The following PRR18 variants were observed in gnomAD, a reference collection of about 807,000 sequenced individuals.
The protein encoded by PRR18 is proline rich 18.
For missense variants in PRR18, 517 were observed against 437.4 expected, an observed-to-expected ratio of 1.18 and a Z score of -1.62; for synonymous variants, 228 against 220.2, an observed-to-expected ratio of 1.04 and a Z score of -0.32.
chr6:166,307,383 C>G lies in PRR18; in HGVS notation c.760G>C (p.Glu254Gln). 1 of 1,578,276 alleles carries G rather than the reference C, an allele frequency of 6.3e-7. No individual in the cohort carries two copies. Among genetic ancestry groups the G allele is most frequent in the Non-Finnish European group, 8.5e-7 (1 of 1,170,244 alleles). Residue 254 changes from glutamate to glutamine, a missense_variant, in exon 1 of 1, where the codon GAG becomes CAG. Transcript: ENST00000322583. ...AGGCCCTCGTCCACCGCCTCTGGCT[C>G]CTCCTCGTACTCCACGTCGTCGTAC... is the stretch of plus-strand genomic sequence containing the variant. ...HRYDDVEYEEEPEAVDEGLVR... is the reference protein window; with the variant it reads ...HRYDDVEYEEQPEAVDEGLVR...
Position 166,308,362 on chromosome 6 carries a change from C to A in PRR18, c.-220G>T. 2.5e-6 allele frequency: 1 copy of A among 403,922 alleles called. No homozygotes were observed. Among genetic ancestry groups the A allele is most frequent in the African/African-American group, 2.1e-5 (1 of 48,248 alleles). The allele number at this position is 403,922 out of a possible 1,614,324, so 25.0% of individuals were successfully genotyped here. On this transcript the variant is annotated 5_prime_UTR_variant, in exon 1 of 1. Transcript: ENST00000322583. ...TCCTGGGGGTGCTCCCGGGACTGGA[C>A]CCTGCAGGAACCGCCTCCCGCCGTC... is the stretch of plus-strand genomic sequence containing the variant.
Position 166,308,191 on chromosome 6 carries a change from G to T in PRR18, c.-49C>A, listed in dbSNP as rs1778142722. On this transcript the variant is annotated 5_prime_UTR_variant, in exon 1 of 1. Transcript: ENST00000322583. ...TCAGCCCCTGGAAAGAGAGGCGGGCGCTCAGCCACTGTGCGCGGAGCGGGT... is the reference window on the plus strand; with the variant it reads ...TCAGCCCCTGGAAAGAGAGGCGGGCTCTCAGCCACTGTGCGCGGAGCGGGT... 3.3e-6 allele frequency: 4 copies of T among 1,227,042 alleles called. No homozygotes were observed. Among genetic ancestry groups the T allele is most frequent in the Non-Finnish European group, 4.1e-6 (4 of 983,434 alleles). 76.0% of individuals were successfully genotyped at this position (1,227,042 alleles called of 1,614,324 possible). A position where few individuals can be genotyped will look rare whatever the true frequency, so the allele number is the denominator to read the frequency against.
At position 166,307,332 on chromosome 6, in the gene PRR18, G is replaced by A; in HGVS notation, c.811C>T (p.Arg271Cys). 6.4e-7 allele frequency: 1 copy of A among 1,566,336 alleles called. No individual in the cohort carries two copies. The highest frequency in any genetic ancestry group is 8.6e-7 in the Non-Finnish European group (1 of 1,165,158). ...GLVRKCTEWL[R>C]GVESAAAARG... is the part of the protein sequence containing the mutation. ...GCGGCAGCCGCGGACTCCACGCCGC[G>A]CAGCCACTCCGTGCACTTGCGTACC... is the stretch of plus-strand genomic sequence containing the variant. The change falls in exon 1 of 1, where the codon CGC (arginine) becomes TGC (cysteine). Residue 271 changes from arginine to cysteine, a missense_variant. By Grantham distance (180) the Arg-to-Cys change is radical (BLOSUM62 -3). Transcript: ENST00000322583.
Position 166,307,842 on chromosome 6 carries a change from T to C in PRR18, c.301A>G (p.Ser101Gly), listed in dbSNP as rs753042680. The C allele has an allele frequency of 5.7e-4, 741 of 1,301,192 alleles. 2 individuals are homozygous for C. The highest frequency in any genetic ancestry group is 7.0e-4 in the Non-Finnish European group (716 of 1,022,160). 80.6% of individuals were successfully genotyped at this position (1,301,192 alleles called of 1,614,324 possible). A position where few individuals can be genotyped will look rare whatever the true frequency, so the allele number is the denominator to read the frequency against. Residue 101 changes from serine (S) to glycine (G), a missense_variant, in exon 1 of 1, where the codon AGC becomes GGC. By Grantham distance (56) the Ser-to-Gly change is moderately conservative. Transcript: ENST00000322583. Reference sequence around the variant, plus strand: ...GCCGCATAGGTGGTCCTCGCTGGGCTGTGGCCGGAGCCTGCCGGCCGGGGC... The same window carrying C: ...GCCGCATAGGTGGTCCTCGCTGGGCCGTGGCCGGAGCCTGCCGGCCGGGGC... ...APPRPAGSGH[S>G]PARTTYAATS...
At position 166,307,401 on chromosome 6, in the gene PRR18, C is replaced by T. The variant is rs1263838844; in HGVS notation, c.742G>A (p.Asp248Asn). Residue 248 changes from aspartate to asparagine, a missense_variant, in exon 1 of 1, where the codon GAC (aspartate) becomes AAC (asparagine). Asp to Asn is a conservative substitution (Grantham distance 23, BLOSUM62 1). Transcript: ENST00000322583. ...TCTGGCTCCTCCTCGTACTCCACGTCGTCGTACCTGTGCCGCTCGTTGAGC... is the reference window on the plus strand; with the variant it reads ...TCTGGCTCCTCCTCGTACTCCACGTTGTCGTACCTGTGCCGCTCGTTGAGC... Reference protein sequence around the residue: ...SLLNERHRYDDVEYEEEPEAV... With the variant: ...SLLNERHRYDNVEYEEEPEAV... The T allele has an allele frequency of 2.5e-6, 4 of 1,575,378 alleles. No individual in the cohort carries two copies. The highest frequency in any genetic ancestry group is 3.4e-6 in the Non-Finnish European group (4 of 1,168,858).
chr6:166,308,192 C>G lies in PRR18; in HGVS notation c.-50G>C, dbSNP rs910793151. On this transcript the variant is annotated 5_prime_UTR_variant, in exon 1 of 1. Transcript: ENST00000322583. ...CAGCCCCTGGAAAGAGAGGCGGGCG[C>G]TCAGCCACTGTGCGCGGAGCGGGTC... is the stretch of plus-strand genomic sequence containing the variant. The G allele has an allele frequency of 1.3e-5, 16 of 1,227,224 alleles. No individual in the cohort carries two copies. The highest frequency in any genetic ancestry group is 1.5e-5 in the Non-Finnish European group (15 of 983,548). 76.0% of individuals were successfully genotyped at this position (1,227,224 alleles called of 1,614,324 possible).
In PRR18 at chr6:166,307,445, G is replaced by C. The variant is rs534030399; in HGVS notation, c.698C>G (p.Pro233Arg). Residue 233 changes from proline (P) to arginine (R), a missense_variant, in exon 1 of 1, where the codon CCG becomes CGG. Transcript: ENST00000322583. ...GTTGAGCAGCGACACCTTGAGCATC[G>C]GCCGCAGGGCCCCGGGCCGCGGGCT... The part of the protein sequence containing the change: ...QLSPRPGALR[P>R]MLKVSLLNER... 6.5e-7 allele frequency: 1 copy of C among 1,542,594 alleles called. No individual in the cohort carries two copies. The highest frequency in any genetic ancestry group is 2.7e-5 in the East Asian group (1 of 37,722).
chr6:166,306,921 T>C lies in PRR18; in HGVS notation c.*334A>G, dbSNP rs888146575. ...CTGGGGGTCGGGGCACCAAGAGGCA[T>C]TTTCTCAGTTGCTTAATTCCCCACG... is the stretch of plus-strand genomic sequence containing the variant. On this transcript the variant is annotated 3_prime_UTR_variant, in exon 1 of 1. Transcript: ENST00000322583. 18 of 271,662 alleles carry C rather than the reference T, an allele frequency of 6.6e-5. No homozygotes were observed. The highest frequency in any genetic ancestry group is 1.1e-4 in the Non-Finnish European group (16 of 145,020). 16.8% of individuals were successfully genotyped at this position (271,662 alleles called of 1,614,324 possible). A position where few individuals can be genotyped will look rare whatever the true frequency, so the allele number is the denominator to read the frequency against.
chr6:166,308,095 G>T lies in PRR18; in HGVS notation c.48C>A (p.Ala16=). Residue 16 remains alanine (A), a synonymous_variant, in exon 1 of 1, where the codon GCC becomes GCA. Coordinates refer to ENST00000322583, the MANE Select transcript of PRR18 (RefSeq NM_175922.4). The part of the protein sequence containing the change: ...MPPPPAPAPG[A]QAARQLPRRP... ...TCCGGGGTAACTGGCGCGCGGCTTG[G>T]GCCCCCGGGGCGGGGGCGGGCGGCG... 8.1e-7 allele frequency: 1 copy of T among 1,233,748 alleles called. No homozygotes were observed. 76.4% of individuals were successfully genotyped at this position (1,233,748 alleles called of 1,614,324 possible). A position where few individuals can be genotyped will look rare whatever the true frequency, so the allele number is the denominator to read the frequency against.
At position 166,308,228 on chromosome 6, in the gene PRR18, G is replaced by A. The variant is rs186577225; in HGVS notation, c.-86C>T. ...TGCGCGGAGCGGGTCCCCGCAGTCCGGGCGGCCCCTCCACACCCACCTGCG... is the reference window on the plus strand; with the variant it reads ...TGCGCGGAGCGGGTCCCCGCAGTCCAGGCGGCCCCTCCACACCCACCTGCG... On this transcript the variant is annotated 5_prime_UTR_variant, in exon 1 of 1. Transcript: ENST00000322583. 485 of 1,199,424 alleles carry A rather than the reference G, an allele frequency of 4.0e-4. 3 individuals are homozygous for A. The African/African-American group carries it at 7.0e-3, about 17-fold the overall frequency. 74.3% of individuals were successfully genotyped at this position (1,199,424 alleles called of 1,614,324 possible).
rs1778114064 is a variant in PRR18 at position 166,307,369 on chromosome 6, C to CTGGT, written c.773_774insACCA (p.Asp259ProfsTer149). On this transcript the variant is annotated frameshift_variant, in exon 1 of 1. Coordinates refer to ENST00000322583, the MANE Select transcript of PRR18 (RefSeq NM_175922.4). LOFTEE classifies it low-confidence loss of function (END_TRUNC). Reference sequence around the variant, plus strand: ...TGCACTTGCGTACCAGGCCCTCGTCCACCGCCTCTGGCTCCTCCTCGTACT... The same window carrying CTGGT: ...TGCACTTGCGTACCAGGCCCTCGTCCTGGTACCGCCTCTGGCTCCTCCTCGTACT... The CTGGT allele has an allele frequency of 6.3e-7, 1 of 1,579,602 alleles. No homozygotes were observed. Among genetic ancestry groups the CTGGT allele is most frequent in the African/African-American group, 1.4e-5 (1 of 72,094 alleles).
In PRR18 at chr6:166,305,955, T is replaced by A. The variant is rs1778089552; in HGVS notation, c.*1300A>T. 1 of 151,964 alleles carries A rather than the reference T, an allele frequency of 6.6e-6. No individual in the cohort carries two copies. The highest frequency in any genetic ancestry group is 1.5e-5 in the Non-Finnish European group (1 of 67,998). The allele number at this position is 151,964 out of a possible 1,614,324, so 9.4% of individuals were successfully genotyped here. A position where few individuals can be genotyped will look rare whatever the true frequency, so the allele number is the denominator to read the frequency against. ...CACTCAGAGACCATCTGGGTGGGGG[T>A]GGAACAAGAGCAGCACCGTCACTTG... On this transcript the variant is annotated 3_prime_UTR_variant, in exon 1 of 1. Coordinates refer to ENST00000322583, the MANE Select transcript of PRR18 (RefSeq NM_175922.4).
At position 166,308,233 on chromosome 6, in the gene PRR18, G is replaced by T. The variant is rs1343487560; in HGVS notation, c.-91C>A. The T allele has an allele frequency of 3.4e-6, 4 of 1,172,428 alleles. No individual in the cohort carries two copies. In the East Asian group the frequency reaches 9.7e-5, roughly 28 times the overall value. 72.6% of individuals were successfully genotyped at this position (1,172,428 alleles called of 1,614,324 possible). A position where few individuals can be genotyped will look rare whatever the true frequency, so the allele number is the denominator to read the frequency against. Reference sequence around the variant, plus strand: ...GGAGCGGGTCCCCGCAGTCCGGGCGGCCCCTCCACACCCACCTGCGTCCAG... The same window carrying T: ...GGAGCGGGTCCCCGCAGTCCGGGCGTCCCCTCCACACCCACCTGCGTCCAG... On this transcript the variant is annotated 5_prime_UTR_variant, in exon 1 of 1. Transcript: ENST00000322583.
chr6:166,305,423 GTTT>G lies in PRR18; in HGVS notation c.*1829_*1831del, dbSNP rs2114865377. 6.6e-6 allele frequency: 1 copy of G among 152,240 alleles called. No individual in the cohort carries two copies. Among genetic ancestry groups the G allele is most frequent in the African/African-American group, 2.4e-5 (1 of 41,550 alleles). The allele number at this position is 152,240 out of a possible 1,614,324, so 9.4% of individuals were successfully genotyped here. ...GTGTCACGTGTAAAACCTTTTTTCT[GTTT>G]GTTTTTTATTGAAGCTCATTGACCA... On this transcript the variant is annotated 3_prime_UTR_variant, in exon 1 of 1. Coordinates refer to ENST00000322583, the MANE Select transcript of PRR18 (RefSeq NM_175922.4).
chr6:166,307,579 C>T lies in PRR18; in HGVS notation c.564G>A (p.Arg188=), dbSNP rs761967501. ...CGTCGGGGTCGCTGGCGGGGCCGCC[C>T]CTCCGCGGGCCCGCGGCCCTAGCCG... is the stretch of plus-strand genomic sequence containing the variant. ...CLPARAAGPR[R]GGPASDPDAP... The change falls in exon 1 of 1, where the codon AGG becomes AGA. Residue 188 remains arginine (R), a synonymous_variant. Transcript: ENST00000322583. 4.9e-6 allele frequency: 6 copies of T among 1,220,686 alleles called. No individual in the cohort carries two copies. In the South Asian group the frequency reaches 1.5e-4, roughly 31 times the overall value. 75.6% of individuals were successfully genotyped at this position (1,220,686 alleles called of 1,614,324 possible).
chr6:166,307,977 G>T lies in PRR18; in HGVS notation c.166C>A (p.Pro56Thr), dbSNP rs1019973718. The change falls in exon 1 of 1, where the codon CCG (proline) becomes ACG (threonine). Residue 56 changes from proline to threonine, a missense_variant. Pro to Thr is a conservative substitution (Grantham distance 38). Coordinates refer to ENST00000322583, the MANE Select transcript of PRR18 (RefSeq NM_175922.4). The stretch of plus-strand genomic sequence containing the variant: ...AGGCCGGGGCCGCGCCGGGCCGGCG[G>T]CCTCTTGAGCGTGGCGGAGGGCCAG... ...SSWPSATLKR[P>T]PARRGPGLDR... 8.1e-7 allele frequency: 1 copy of T among 1,236,940 alleles called. No individual in the cohort carries two copies. Among genetic ancestry groups the T allele is most frequent in the Non-Finnish European group, 1.0e-6 (1 of 983,958 alleles). The allele number at this position is 1,236,940 out of a possible 1,614,324, so 76.6% of individuals were successfully genotyped here. A position where few individuals can be genotyped will look rare whatever the true frequency, so the allele number is the denominator to read the frequency against.
In PRR18 at chr6:166,307,644, G is replaced by C; in HGVS notation, c.499C>G (p.Pro167Ala). Residue 167 changes from proline to alanine, a missense_variant, in exon 1 of 1, where the codon CCC (proline) becomes GCC (alanine). By Grantham distance (27) the Pro-to-Ala change is conservative (BLOSUM62 -1). Transcript: ENST00000322583. The part of the protein sequence containing the change: ...LARPRRPFPS[P>A]SAEPRRLLAP... The stretch of plus-strand genomic sequence containing the variant: ...AGTAGGCGCCTGGGTTCGGCCGAGG[G>C]TGAGGGGAAGGGCCTGCGGGGCCGC... The C allele has an allele frequency of 7.0e-7, 1 of 1,438,176 alleles. No individual in the cohort carries two copies. Among genetic ancestry groups the C allele is most frequent in the Non-Finnish European group, 9.2e-7 (1 of 1,087,474 alleles). 89.1% of individuals were successfully genotyped at this position (1,438,176 alleles called of 1,614,324 possible). A position where few individuals can be genotyped will look rare whatever the true frequency, so the allele number is the denominator to read the frequency against.
chr6:166,307,957 G>C lies in PRR18; in HGVS notation c.186C>G (p.Pro62=). 2 of 1,231,310 alleles carry C rather than the reference G, an allele frequency of 1.6e-6. No individual in the cohort carries two copies. The highest frequency in any genetic ancestry group is 2.0e-6 in the Non-Finnish European group (2 of 981,874). The allele number at this position is 1,231,310 out of a possible 1,614,324, so 76.3% of individuals were successfully genotyped here. Residue 62 remains proline, a synonymous_variant, in exon 1 of 1, where the codon CCC becomes CCG. Coordinates refer to ENST00000322583, the MANE Select transcript of PRR18 (RefSeq NM_175922.4). ...TLKRPPARRG[P]GLDRTQPPAP... is the part of the protein sequence containing the mutation. Reference sequence around the variant, plus strand: ...CCGGCGGCTGCGTCCTGTCCAGGCCGGGGCCGCGCCGGGCCGGCGGCCTCT... The same window carrying C: ...CCGGCGGCTGCGTCCTGTCCAGGCCCGGGCCGCGCCGGGCCGGCGGCCTCT...
At position 166,308,269 on chromosome 6, in the gene PRR18, T is replaced by C. The variant is rs1156796351; in HGVS notation, c.-127A>G. 13 of 928,630 alleles carry C rather than the reference T, an allele frequency of 1.4e-5. No homozygotes were observed. The highest frequency in any genetic ancestry group is 3.8e-4 in the Middle Eastern group (1 of 2,620). The allele number at this position is 928,630 out of a possible 1,614,324, so 57.5% of individuals were successfully genotyped here. On this transcript the variant is annotated 5_prime_UTR_variant, in exon 1 of 1. Transcript: ENST00000322583. The stretch of plus-strand genomic sequence containing the variant: ...CCCACCTGCGTCCAGCCGCGGCCTC[T>C]CCGGCTTCCTCACATCCCAGCGACC...
Sources: allele counts gnomAD v4.1 joint callset, GRCh38; gene constraint gnomAD v4.1.1; transcripts MANE v1.5; gene names NCBI Gene and HGNC (gene_info 2026-07-23, HGNC 2026-07-21).